Variants in DPP6 observed in about 807,000 individuals in gnomAD.
DPP6 encodes dipeptidyl peptidase like 6.
DPP6 carries 69 observed loss-of-function variants against 122.6 expected under a neutral mutation model. That is an observed-to-expected ratio of 0.56 (90% confidence interval 0.46 to 0.69). The LOEUF (loss-of-function observed/expected upper bound fraction) is 0.69, where lower values mean the gene tolerates loss of function less well. Among genes scored for constraint, DPP6 ranks in the 30% least tolerant of loss-of-function variants. The pLI, the probability that DPP6 is intolerant of heterozygous loss-of-function variation, is 0.00. For synonymous variants in DPP6, 418 were observed against 433.1 expected (o/e 0.97, Z 0.43); for missense variants, 928 against 1,116.9 (o/e 0.83, Z 2.41).
At chr7:153,973,592 T>A (rs562209350) in intron 1 of DPP6, among the ~76,000 whole-genome samples, 1 of 150,546 alleles carries the variant, frequency 6.6e-6, no homozygotes, top group Non-Finnish European at 1.5e-5. Flanking sequence ...GGGAGTCTGG[T>A]GGGGAATCCG....
intron 5 of DPP6, among the ~76,000 whole-genome samples, chr7:154,610,878 G>T (rs1351399203): frequency 6.6e-6 from 1 of 152,098 alleles, no homozygotes; most frequent in Non-Finnish European, 1.5e-5. Context: ...TTTATGTGGT[G>T]CTAGACTTTG....
intron 1 of DPP6, among the ~76,000 whole-genome samples, chr7:154,401,457 G>A (rs1452628525): frequency 4.6e-5 from 7 of 152,166 alleles, no homozygotes; most frequent in African/African-American, 1.7e-4. Context: ...GCAGAGAAAA[G>A]ATGTAGAAAT....
chr7:154,042,933 G>A (rs977058817), intron 1 of DPP6, among the ~76,000 whole-genome samples: 1 of 152,168 alleles, frequency 6.6e-6, no homozygotes, highest in African/African-American at 2.4e-5. Context: ...CTATGCATTG[G>A]CAATGCCATC....
intron 1 of DPP6, among the ~76,000 whole-genome samples, chr7:153,985,708 CAGAG>C (rs906594616): frequency 3.9e-5 from 6 of 152,212 alleles, no homozygotes; most frequent in African/African-American, 1.4e-4. Context: ...AGCAGAATAA[CAGAG>C]AGAAAAGGAA....
At chr7:154,040,242 A>T (rs528239190) in intron 1 of DPP6, among the ~76,000 whole-genome samples, 1 of 141,378 alleles carries the variant, frequency 7.1e-6, no homozygotes, top group East Asian at 2.0e-4. Context: ...GGTGTGGCAT[A>T]GGTGGGAAAG....
At chr7:154,697,129 TG>T (rs1176510016) in intron 7 of DPP6, among the ~76,000 whole-genome samples, 3 of 152,170 alleles carry the variant, frequency 2.0e-5, no homozygotes, top group Non-Finnish European at 4.4e-5. Context: ...AGGTGCTGTT[TG>T]TAGGTCACAC....
chr7:154,626,926 T>C lies in DPP6; in HGVS notation c.628-10895T>C, dbSNP rs142019034. Among the ~76,000 whole-genome samples, 252 of 152,152 alleles carry C rather than the reference T, an allele frequency of 1.7e-3. 6 individuals are homozygous for C. In the East Asian group the frequency reaches 0.046, roughly 28 times the overall value. The stretch of plus-strand genomic sequence containing the variant: ...GAGCTATTTCCTAATATTTGTTTTA[T>C]GTCATATGAGCTAAACATCTTTACC... On this transcript the variant is annotated intron_variant, in intron 5 of 25. Transcript: ENST00000377770.
chr7:154,532,685 C>G (rs76937880), intron 3 of DPP6, among the ~76,000 whole-genome samples: 7,512 of 151,936 alleles, frequency 0.049, 325 homozygotes, highest in African/African-American at 0.12. Flanking sequence ...AACCTGTTAT[C>G]TTACTAAAAA....
intron 1 of DPP6, among the ~76,000 whole-genome samples, chr7:154,229,087 T>C (rs1283334624): frequency 1.3e-5 from 2 of 152,188 alleles, no homozygotes; most frequent in African/African-American, 2.4e-5. Flanking sequence ...GTTTTTTTTC[T>C]GCTAAAGCTT....
chr7:154,305,791 G>A (rs1806288272), intron 1 of DPP6, among the ~76,000 whole-genome samples: 3 of 151,998 alleles, frequency 2.0e-5, no homozygotes, highest in African/African-American at 7.2e-5. Context: ...TCTAAAGGGC[G>A]CCCTGGCTTG....
chr7:153,780,969 A>C, the DPP6 span, among the ~76,000 whole-genome samples: 1 of 130,870 alleles, frequency 7.6e-6, no homozygotes, highest in Non-Finnish European at 1.8e-5. Context: ...CTAAAGAATG[A>C]ATTTTTTAAA....
At chr7:153,947,356 C>T (rs1430688411) in intron 1 of DPP6, among the ~76,000 whole-genome samples, 1 of 152,174 alleles carries the variant, frequency 6.6e-6, no homozygotes, top group Non-Finnish European at 1.5e-5. Context: ...GAGGGTCTGT[C>T]TCAGGCCTGT....
At position 154,624,111 on chromosome 7, in the gene DPP6, T is replaced by C. The variant is rs1834911995; in HGVS notation, c.628-13710T>C. Among the ~76,000 whole-genome samples, 2 of 152,060 alleles carry C rather than the reference T, an allele frequency of 1.3e-5. No individual in the cohort carries two copies. The highest frequency in any genetic ancestry group is 1.3e-4 in the Admixed American group (2 of 15,254). On this transcript the variant is annotated intron_variant, in intron 5 of 25. Coordinates refer to ENST00000377770, the MANE Select transcript of DPP6 (RefSeq NM_130797.4). This position sits in a 1 kb window ranked among gnomAD's most constrained non-coding sequence, Gnocchi z 4.7. Reference sequence around the variant, plus strand: ...TGGAGAGGCCAAGGCGGGTGGATCATGAGATCAGGAGTTCAAGACCAGCCT... The same window carrying C: ...TGGAGAGGCCAAGGCGGGTGGATCACGAGATCAGGAGTTCAAGACCAGCCT...
At chr7:154,271,784 A>G (rs965560913) in intron 1 of DPP6, among the ~76,000 whole-genome samples, 12 of 152,214 alleles carry the variant, frequency 7.9e-5, no homozygotes, top group African/African-American at 7.2e-5. Context: ...CTTGTCTCCA[A>G]TATTGGATCT....
intron 16 of DPP6, among the ~76,000 whole-genome samples, chr7:154,830,887 A>C (rs1475470066): frequency 6.6e-6 from 1 of 152,212 alleles, no homozygotes; most frequent in Non-Finnish European, 1.5e-5. Flanking sequence ...CACCAGGCTT[A>C]AGATCCCTTT....
intron 1 of DPP6, among the ~76,000 whole-genome samples, chr7:154,429,126 G>A (rs911076056): frequency 6.6e-6 from 1 of 150,960 alleles, no homozygotes; most frequent in African/African-American, 2.5e-5. Flanking sequence ...CTTTACATCT[G>A]TGTGACCTTG....
intron 1 of DPP6, among the ~76,000 whole-genome samples, chr7:154,320,587 C>G (rs148916894): frequency 2.6e-5 from 4 of 152,130 alleles, no homozygotes; most frequent in African/African-American, 9.7e-5. Context: ...AGGGTTTAAG[C>G]GATCCTTCTG....
chr7:154,628,764 G>A (rs1835235506), intron 5 of DPP6, among the ~76,000 whole-genome samples: 1 of 152,074 alleles, frequency 6.6e-6, no homozygotes, highest in African/African-American at 2.4e-5. Context: ...AGTCCCCAGG[G>A]GCTTCCTGGA....
chr7:154,309,673 G>T (rs1311256447), intron 1 of DPP6, among the ~76,000 whole-genome samples: 3 of 152,110 alleles, frequency 2.0e-5, no homozygotes, highest in African/African-American at 7.2e-5. Flanking sequence ...CATATTAAAA[G>T]GCAATGTGAG....
Sources: gnomAD v4.1 joint callset for allele counts (sites outside exome capture counted in the v4.1 genomes callset) on GRCh38, gnomAD v4.1.1 for gene constraint, Gnocchi (gnomAD v3.1) non-coding constraint, MANE v1.5 for transcripts, NCBI Gene and HGNC (gene_info 2026-07-23, HGNC 2026-07-21) for gene names.